Variants in KCTD20 observed in about 807,000 individuals in gnomAD.
KCTD20 encodes BTB/POZ domain-containing protein KCTD20.
KCTD20 carries 30 observed loss-of-function variants against 39.6 expected under a neutral mutation model. The ratio of observed to expected loss-of-function variants is 0.76; its 90% CI spans 0.57 to 1.03. The LOEUF (loss-of-function observed/expected upper bound fraction) is 1.03, where lower values mean the gene tolerates loss of function less well. KCTD20 is among the 50% of genes least tolerant of loss of function. The pLI, the probability that KCTD20 is intolerant of heterozygous loss-of-function variation, is 0.00. For synonymous variants in KCTD20, 162 were observed against 180.6 expected (o/e 0.90, Z 0.83); for missense variants, 422 against 522.0 (o/e 0.81, Z 1.87).
intron 1 of KCTD20, among the ~76,000 whole-genome samples, chr6:36,466,172 C>T (rs577577331): frequency 5.1e-4 from 78 of 151,460 alleles, no homozygotes; most frequent in African/African-American, 1.6e-3. Flanking sequence ...AAGCAATTCT[C>T]CTGCCTCAGC....
Position 36,481,533 on chromosome 6 carries a change from G to GCTTT in KCTD20, c.659-28_659-27insTTTC, listed in dbSNP as rs766530380. Reference sequence around the variant, plus strand: ...AGTAATATGTGCATTTAGGCAGAAAGCATGTTCACCTACATTTTCTCTCTG... The same window carrying GCTTT: ...AGTAATATGTGCATTTAGGCAGAAAGCTTTCATGTTCACCTACATTTTCTCTCTG... On this transcript the variant is annotated intron_variant, in intron 5 of 7. Transcript: ENST00000373731. 925 of 1,543,828 alleles carry GCTTT rather than the reference G, an allele frequency of 6.0e-4. 4 individuals are homozygous for GCTTT. The highest frequency in any genetic ancestry group is 1.2e-3 in the Middle Eastern group (7 of 5,932).
At chr6:36,459,204 C>T (rs1055707352) in intron 1 of KCTD20, among the ~76,000 whole-genome samples, 2 of 151,950 alleles carry the variant, frequency 1.3e-5, no homozygotes, top group Non-Finnish European at 1.5e-5. Flanking sequence ...CCCAGCTACT[C>T]GGGAGGCTGA....
chr6:36,458,314 G>A (rs1232210574), intron 1 of KCTD20, among the ~76,000 whole-genome samples: 1 of 151,818 alleles, frequency 6.6e-6, no homozygotes, highest in Non-Finnish European at 1.5e-5. Context: ...CGAGGTGGGC[G>A]GATCACCTGA....
At chr6:36,473,388 A>G (rs1412698138) in intron 2 of KCTD20, among the ~76,000 whole-genome samples, 1 of 152,066 alleles carries the variant, frequency 6.6e-6, no homozygotes, top group African/African-American at 2.4e-5. Flanking sequence ...CACGTCCTTA[A>G]TTTCAGTTTA....
At chr6:36,475,371 C>G (rs571674522) in intron 3 of KCTD20, among the ~76,000 whole-genome samples, 1 of 151,916 alleles carries the variant, frequency 6.6e-6, no homozygotes, top group African/African-American at 2.4e-5. Context: ...ATCGCCTGAA[C>G]CTGGAAGGTG....
At chr6:36,443,475 C>G (rs1339107637) in intron 1 of KCTD20, 1 of 152,166 alleles carries the variant, frequency 6.6e-6, no homozygotes, top group Non-Finnish European at 1.5e-5. Context: ...TGTTGACTGG[C>G]AAAACATTTG....
At chr6:36,486,369 C>A (rs1776423948) in intron 7 of KCTD20, among the ~76,000 whole-genome samples, 1 of 152,258 alleles carries the variant, frequency 6.6e-6, no homozygotes, top group African/African-American at 2.4e-5. Context: ...TGCCTGCCTT[C>A]CAGTTAATAG....
At chr6:36,483,257 C>CT (rs1271097017) in intron 6 of KCTD20, among the ~76,000 whole-genome samples, 23 of 123,726 alleles carry the variant, frequency 1.9e-4, no homozygotes, top group African/African-American at 4.1e-4. Context: ...AAAACAGTGG[C>CT]TTTTTCTTTT....
intron 1 of KCTD20, among the ~76,000 whole-genome samples, chr6:36,453,663 C>T (rs1489696570): frequency 6.6e-6 from 1 of 151,920 alleles, no homozygotes; most frequent in Non-Finnish European, 1.5e-5. Flanking sequence ...TACAGGCATG[C>T]ACCACCACAC....
At chr6:36,475,176 T>C in intron 3 of KCTD20, 114 bp downstream of exon 3, 1 of 1,110,186 alleles carries the variant, frequency 9.0e-7, no homozygotes, top group Non-Finnish European at 1.3e-6. Context: ...TTGGGCGCGG[T>C]GGCTCACGTC....
chr6:36,455,771 G>T (rs572876258), intron 1 of KCTD20, among the ~76,000 whole-genome samples: 1 of 152,324 alleles, frequency 6.6e-6, no homozygotes, highest in Non-Finnish European at 1.5e-5. Context: ...ACAGTCTGCA[G>T]GCAGAATTTC....
Position 36,487,089 on chromosome 6 carries a change from T to A in KCTD20, c.1174T>A (p.Leu392Ile). The A allele has an allele frequency of 6.2e-7, 1 of 1,614,168 alleles. No homozygotes were observed. The change falls in exon 8 of 8, where the codon TTA becomes ATA. Residue 392 changes from leucine (L) to isoleucine (I), a missense_variant. Physicochemically the swap from Leu to Ile is conservative, Grantham distance 5. Coordinates refer to ENST00000373731, the MANE Select transcript of KCTD20 (RefSeq NM_173562.5). ...GDDVLEDQEI[L>I]MHHPPQVDEL... ...TGATGTCTTGGAGGACCAGGAGATA[T>A]TAATGCATCACCCACCCCAAGTGGA...
At chr6:36,455,026 G>A (rs1262753833) in intron 1 of KCTD20, among the ~76,000 whole-genome samples, 1 of 152,142 alleles carries the variant, frequency 6.6e-6, no homozygotes, top group Non-Finnish European at 1.5e-5. Context: ...AAAACCTGGG[G>A]TATTTCACAG....
intron 2 of KCTD20, among the ~76,000 whole-genome samples, chr6:36,473,380 C>T (rs1775968492): frequency 6.6e-6 from 1 of 152,050 alleles, no homozygotes; most frequent in Admixed American, 6.6e-5. Context: ...AGTGCTCTCA[C>T]GTCCTTAATT....
intron 6 of KCTD20, among the ~76,000 whole-genome samples, chr6:36,484,337 T>G (rs1776353567): frequency 6.6e-6 from 1 of 152,162 alleles, no homozygotes; most frequent in Non-Finnish European, 1.5e-5. Context: ...TTTTACTTAG[T>G]GATTTGTGAA....
intron 1 of KCTD20, chr6:36,450,801 G>T (rs1330276068): frequency 2.0e-5 from 3 of 152,180 alleles, no homozygotes; most frequent in Non-Finnish European, 4.4e-5. Flanking sequence ...ATGGAAGAAT[G>T]TCAAACTATT....
chr6:36,483,681 T>C (rs1582375179), intron 6 of KCTD20, among the ~76,000 whole-genome samples: 1 of 149,172 alleles, frequency 6.7e-6, no homozygotes, highest in East Asian at 1.9e-4. Context: ...GATTGGCTAA[T>C]TTTTTTTTTA....
chr6:36,449,966 C>T (rs1159051908), intron 1 of KCTD20, among the ~76,000 whole-genome samples: 2 of 151,846 alleles, frequency 1.3e-5, no homozygotes, highest in African/African-American at 4.8e-5. Context: ...AGATCGAGAC[C>T]ATCATGGCTA....
At chr6:36,470,554 G>A (rs946253482) in intron 2 of KCTD20, among the ~76,000 whole-genome samples, 6 of 152,132 alleles carry the variant, frequency 3.9e-5, no homozygotes, top group Non-Finnish European at 5.9e-5. Context: ...AACCATGGAT[G>A]AGATCCTCAG....
Sources: gnomAD v4.1 joint callset for allele counts (sites outside exome capture counted in the v4.1 genomes callset) on GRCh38, gnomAD v4.1.1 for gene constraint, MANE v1.5 for transcripts, NCBI Gene and HGNC (gene_info 2026-07-23, HGNC 2026-07-21) for gene names.